Variants in MBNL1 observed in about 807,000 individuals in gnomAD.
MBNL1 encodes muscleblind like splicing regulator 1.
In MBNL1, 8 loss-of-function variants were observed where a neutral mutation model predicts 42.2. The observed-to-expected ratio is 0.19, with a 90% CI of 0.11 to 0.34. MBNL1 has a LOEUF of 0.34. Among genes scored for constraint, MBNL1 ranks in the 10% least tolerant of loss-of-function variants. The pLI is 1.00. For synonymous variants in MBNL1, 169 were observed against 173.9 expected (o/e 0.97, Z 0.22); for missense variants, 309 against 495.3 (o/e 0.62, Z 3.57).
At chr3:152,362,275 C>T (rs986228067) in intron 2 of MBNL1, among the ~76,000 whole-genome samples, 3 of 152,220 alleles carry the variant, frequency 2.0e-5, no homozygotes, top group East Asian at 1.9e-4. Flanking sequence ...TCTGTGCTCA[C>T]TGCCGCGCGG....
chr3:152,403,776 A>G (rs1449557198), intron 2 of MBNL1, among the ~76,000 whole-genome samples: 1 of 152,118 alleles, frequency 6.6e-6, no homozygotes, highest in East Asian at 1.9e-4. Context: ...ATCCAATAGA[A>G]ACATGTTCTG....
intron 3 of MBNL1, among the ~76,000 whole-genome samples, chr3:152,420,151 A>G (rs1041103373): frequency 6.6e-6 from 1 of 152,146 alleles, no homozygotes; most frequent in African/African-American, 2.4e-5. Flanking sequence ...GGGACAGAGC[A>G]CCTGGGGGAA....
chr3:152,384,209 G>C (rs1436420751), intron 2 of MBNL1, among the ~76,000 whole-genome samples: 2 of 152,068 alleles, frequency 1.3e-5, no homozygotes, highest in East Asian at 3.8e-4. Context: ...GTACCAAACT[G>C]CCTAGAGGAA....
intron 8 of MBNL1, among the ~76,000 whole-genome samples, chr3:152,456,588 A>G (rs894620905): frequency 6.6e-6 from 1 of 152,218 alleles, no homozygotes; most frequent in African/African-American, 2.4e-5. Flanking sequence ...TAAGTGCTCC[A>G]AAGTCGTCGC....
chr3:152,280,676 A>G (rs2047921837), intron 1 of MBNL1, among the ~76,000 whole-genome samples: 1 of 152,172 alleles, frequency 6.6e-6, no homozygotes. Context: ...AAATATGCAC[A>G]TGATTCTCTT....
At chr3:152,316,365 C>A (rs2071432517) in intron 2 of MBNL1, among the ~76,000 whole-genome samples, 1 of 152,160 alleles carries the variant, frequency 6.6e-6, no homozygotes, top group African/African-American at 2.4e-5. Flanking sequence ...ACCTATTAGA[C>A]CCAAACCTTT....
In MBNL1 at chr3:152,300,176, T is replaced by A. The variant is rs971856430; in HGVS notation, c.-18T>A. ...TGTTGGTTTCACTGAAACATTTAACTACCTGTAAAATCTAAACATGGCTGT... is the reference window on the plus strand; with the variant it reads ...TGTTGGTTTCACTGAAACATTTAACAACCTGTAAAATCTAAACATGGCTGT... On this transcript the variant is annotated 5_prime_UTR_variant, in exon 2 of 10. Transcript: ENST00000324210. 83 of 1,540,548 alleles carry A rather than the reference T, an allele frequency of 5.4e-5. No homozygotes were observed. The highest frequency in any genetic ancestry group is 7.1e-5 in the Non-Finnish European group (81 of 1,133,084).
At chr3:152,395,778 AAC>A (rs1414313739) in intron 2 of MBNL1, among the ~76,000 whole-genome samples, 10 of 152,162 alleles carry the variant, frequency 6.6e-5, no homozygotes, top group African/African-American at 1.9e-4. Flanking sequence ...CTTTACCCCA[AAC>A]AGATTGCTTT....
Position 152,465,762 on chromosome 3 carries a change from A to T in MBNL1, c.*3396A>T, listed in dbSNP as rs1200254852. 1 of 152,328 alleles carries T rather than the reference A, an allele frequency of 6.6e-6. No homozygotes were observed. Among genetic ancestry groups the T allele is most frequent in the Non-Finnish European group, 1.5e-5 (1 of 68,030 alleles). The allele number at this position is 152,328 out of a possible 1,614,324, so 9.4% of individuals were successfully genotyped here. ...AAATAAAGTGAAATTGCCCTAATAAAACTTCTCTTTCTTAAGTATATTCGT... is the reference window on the plus strand; with the variant it reads ...AAATAAAGTGAAATTGCCCTAATAATACTTCTCTTTCTTAAGTATATTCGT... On this transcript the variant is annotated 3_prime_UTR_variant, in exon 10 of 10. Coordinates refer to ENST00000324210, the MANE Select transcript of MBNL1 (RefSeq NM_021038.5).
At chr3:152,375,919 G>C (rs905756391) in intron 2 of MBNL1, among the ~76,000 whole-genome samples, 2 of 151,886 alleles carry the variant, frequency 1.3e-5, no homozygotes, top group African/African-American at 2.4e-5. Context: ...ATAAGAATAA[G>C]ATATATCCTT....
At chr3:152,446,621 T>C in intron 5 of MBNL1, 5 of 1,009,588 alleles carry the variant, frequency 5.0e-6, no homozygotes, top group Non-Finnish European at 7.7e-6. Flanking sequence ...GCCCCCATGA[T>C]GCACCTCTGC....
At chr3:152,429,814 C>T (rs559769945) in intron 3 of MBNL1, among the ~76,000 whole-genome samples, 2 of 144,586 alleles carry the variant, frequency 1.4e-5, no homozygotes, top group Admixed American at 6.7e-5. Context: ...GTGTGTGTGT[C>T]TGTCTGTCTG....
At chr3:152,334,360 C>A (rs894453137) in intron 2 of MBNL1, among the ~76,000 whole-genome samples, 4 of 152,152 alleles carry the variant, frequency 2.6e-5, no homozygotes, top group Admixed American at 6.5e-5. Context: ...AGGATTTTAG[C>A]TCTGGATAAA....
At chr3:152,344,896 A>G (rs1467297304) in intron 2 of MBNL1, among the ~76,000 whole-genome samples, 2 of 152,124 alleles carry the variant, frequency 1.3e-5, no homozygotes, top group Non-Finnish European at 2.9e-5. Context: ...AAAGGCACAC[A>G]AAGACACACA....
chr3:152,374,795 C>G (rs1467048109), intron 2 of MBNL1, among the ~76,000 whole-genome samples: 1 of 152,198 alleles, frequency 6.6e-6, no homozygotes. Flanking sequence ...CCACTGTCTT[C>G]TGCCCACTGG....
chr3:152,363,893 A>T (rs1209719724), intron 2 of MBNL1, among the ~76,000 whole-genome samples: 2 of 152,146 alleles, frequency 1.3e-5, no homozygotes, highest in Non-Finnish European at 2.9e-5. Flanking sequence ...GCCCATTTGT[A>T]TATAATAATC....
At chr3:152,319,477 A>G (rs2074796127) in intron 2 of MBNL1, among the ~76,000 whole-genome samples, 1 of 152,104 alleles carries the variant, frequency 6.6e-6, no homozygotes, top group African/African-American at 2.4e-5. Context: ...AAACTAGAAT[A>G]TATTGTCTTC....
chr3:152,396,826 T>C (rs1002704644), intron 2 of MBNL1, among the ~76,000 whole-genome samples: 4 of 152,212 alleles, frequency 2.6e-5, no homozygotes, highest in African/African-American at 9.6e-5. Flanking sequence ...ATGAACCATC[T>C]TTTCAATTGC....
chr3:152,295,419 G>A (rs891562713), intron 1 of MBNL1, among the ~76,000 whole-genome samples: 10 of 152,072 alleles, frequency 6.6e-5, no homozygotes, highest in African/African-American at 2.4e-4. Flanking sequence ...ATATTGTCTG[G>A]ATGCCATAGA....
Sources: gnomAD v4.1 joint callset for allele counts (sites outside exome capture counted in the v4.1 genomes callset) on GRCh38, gnomAD v4.1.1 for gene constraint, MANE v1.5 for transcripts, NCBI Gene and HGNC (gene_info 2026-07-23, HGNC 2026-07-21) for gene names.